Variants in HJURP observed in about 807,000 individuals in gnomAD.
HJURP encodes the protein 14-3-3-associated AKT substrate.
In HJURP, 49 loss-of-function variants were observed where a neutral mutation model predicts 72.0. The observed-to-expected ratio is 0.68, with a 90% CI of 0.54 to 0.86. The LOEUF is 0.86. Ranked by LOEUF, HJURP falls within the 40% of genes least tolerant of loss-of-function variation. The pLI, the probability that HJURP is intolerant of heterozygous loss-of-function variation, is 0.00. For synonymous variants in HJURP, 357 were observed against 347.1 expected, an observed-to-expected ratio of 1.03 and a Z score of -0.32; for missense variants, 908 against 936.3, an observed-to-expected ratio of 0.97 and a Z score of 0.39.
chr2:233,843,514 T>A lies in HJURP; in HGVS notation c.574+691A>T, dbSNP rs145476572. On this transcript the variant is annotated intron_variant, in intron 7 of 8. Coordinates refer to ENST00000411486, the MANE Select transcript of HJURP (RefSeq NM_018410.5). ...CGTGAACCTAACCACGAGGAAGCAA[T>A]CAGGTCCAAATTCAGGGACATTCTG... is the stretch of plus-strand genomic sequence containing the variant. 3.1e-3 allele frequency among the ~76,000 whole-genome samples: 479 copies of A among 152,196 alleles called. 5 individuals are homozygous for A. The highest frequency in any genetic ancestry group is 0.01 in the African/African-American group (430 of 41,520).
intron 8 of HJURP, among the ~76,000 whole-genome samples, chr2:233,838,140 G>C (rs1029412607): frequency 6.6e-6 from 1 of 152,170 alleles, no homozygotes; most frequent in Admixed American, 6.5e-5. Flanking sequence ...ATGAAGAATT[G>C]GTCTCTTTCC....
At chr2:233,842,297 T>C in intron 7 of HJURP, 92 bp from the exon 8 acceptor site, 2 of 1,136,262 alleles carry the variant, frequency 1.8e-6, no homozygotes, top group Non-Finnish European at 2.5e-6. Flanking sequence ...GGATCAGGAC[T>C]ATGTTTTTTT....
intron 4 of HJURP, among the ~76,000 whole-genome samples, chr2:233,848,626 G>C (rs619929): frequency 0.6 from 90,670 of 152,050 alleles, 28,087 homozygotes; most frequent in Middle Eastern, 0.76. Context: ...GAAGACGGCA[G>C]GGGCCTGTAC....
At chr2:233,854,028 C>T in intron 1 of HJURP, 118 bp from the exon 2 acceptor site, 2 of 848,612 alleles carry the variant, frequency 2.4e-6, no homozygotes, top group Non-Finnish European at 1.9e-6. Context: ...GCCCCAAACG[C>T]GGTCTCTGCA....
chr2:233,838,685 G>A (rs952619767), intron 8 of HJURP, among the ~76,000 whole-genome samples: 2 of 152,150 alleles, frequency 1.3e-5, no homozygotes, highest in South Asian at 4.1e-4. Flanking sequence ...TCTCTGGGCC[G>A]GACAGTTGTT....
rs1705352084 is a variant in HJURP at position 233,845,997 on chromosome 2, T to C, written c.403-177A>G. ...ACTTTTTCACTTCCTGCTATGTTAA[T>C]AATCCAAAAGAATGTAAAAAGACAC... is the stretch of plus-strand genomic sequence containing the variant. On this transcript the variant is annotated intron_variant, in intron 5 of 8. Transcript: ENST00000411486. 1.1e-5 allele frequency: 6 copies of C among 545,028 alleles called. No homozygotes were observed. In the Admixed American group the frequency reaches 1.9e-4, roughly 18 times the overall value. The allele number at this position is 545,028 out of a possible 1,614,324, so 33.8% of individuals were successfully genotyped here.
At position 233,840,717 on chromosome 2, in the gene HJURP, G is replaced by A; in HGVS notation, c.2063C>T (p.Pro688Leu). The A allele has an allele frequency of 6.2e-7, 1 of 1,614,058 alleles. No individual in the cohort carries two copies. Among genetic ancestry groups the A allele is most frequent in the Non-Finnish European group, 8.5e-7 (1 of 1,180,012 alleles). Reference sequence around the variant, plus strand: ...ATTGCCCTGGCGTCCGGAGCCCTGGGGTTCTGATAGCCTGGGTCTTTTTGC... The same window carrying A: ...ATTGCCCTGGCGTCCGGAGCCCTGGAGTTCTGATAGCCTGGGTCTTTTTGC... ...FPAKRPRLSE[P>L]QGSGRQGNSL... is the part of the protein sequence containing the mutation. The change falls in exon 8 of 9, where the codon CCC becomes CTC. Residue 688 changes from proline to leucine, a missense_variant. By Grantham distance (98) the Pro-to-Leu change is moderately conservative. Transcript: ENST00000411486.
intron 6 of HJURP, 130 bp from the exon 7 acceptor site, chr2:233,844,413 G>T: frequency 4.2e-6 from 3 of 709,260 alleles, no homozygotes; most frequent in Non-Finnish European, 5.0e-6. Context: ...TGTGAATGTG[G>T]TGACAGTGGC....
At chr2:233,845,147 C>A (rs1705330876) in intron 6 of HJURP, among the ~76,000 whole-genome samples, 1 of 151,838 alleles carries the variant, frequency 6.6e-6, no homozygotes, top group Non-Finnish European at 1.5e-5. Context: ...CCGTGTGTGG[C>A]CCCAATAGAT....
intron 3 of HJURP, among the ~76,000 whole-genome samples, chr2:233,851,269 G>T (rs1190912684): frequency 6.6e-6 from 1 of 152,152 alleles, no homozygotes. Context: ...TCGAAAAGGG[G>T]GACTATCAGT....
In HJURP at chr2:233,837,271, G is replaced by C. The variant is rs1048034380; in HGVS notation, c.*306C>G. Reference sequence around the variant, plus strand: ...ACCGCACTCCAGCCTGGGCGATAGAGAGAGACTGTCTCAAAAACAAACAAA... The same window carrying C: ...ACCGCACTCCAGCCTGGGCGATAGACAGAGACTGTCTCAAAAACAAACAAA... On this transcript the variant is annotated 3_prime_UTR_variant, in exon 9 of 9. Coordinates refer to ENST00000411486, the MANE Select transcript of HJURP (RefSeq NM_018410.5). 2.9e-6 allele frequency: 1 copy of C among 346,982 alleles called. No individual in the cohort carries two copies. The highest frequency in any genetic ancestry group is 5.2e-6 in the Non-Finnish European group (1 of 190,902). The allele number at this position is 346,982 out of a possible 1,614,324, so 21.5% of individuals were successfully genotyped here. A position where few individuals can be genotyped will look rare whatever the true frequency, so the allele number is the denominator to read the frequency against.
At position 233,837,224 on chromosome 2, in the gene HJURP, T is replaced by C. The variant is rs181454248; in HGVS notation, c.*353A>G. On this transcript the variant is annotated 3_prime_UTR_variant, in exon 9 of 9. Coordinates refer to ENST00000411486, the MANE Select transcript of HJURP (RefSeq NM_018410.5). ...TCGCTTGAACCCGGGAGGCGGAAGTTGCAGTGAGCCAAGATTGTGCCACCG... is the reference window on the plus strand; with the variant it reads ...TCGCTTGAACCCGGGAGGCGGAAGTCGCAGTGAGCCAAGATTGTGCCACCG... The C allele has an allele frequency of 2.7e-3, 652 of 237,254 alleles. 1 individual carries two copies. The highest frequency in any genetic ancestry group is 3.7e-3 in the Non-Finnish European group (463 of 123,522). 14.7% of individuals were successfully genotyped at this position (237,254 alleles called of 1,614,324 possible). A position where few individuals can be genotyped will look rare whatever the true frequency, so the allele number is the denominator to read the frequency against.
Position 233,854,490 on chromosome 2 carries a change from G to T in HJURP, c.11C>A (p.Thr4Lys), listed in dbSNP as rs374800251. Residue 4 changes from threonine to lysine, a missense_variant, in exon 1 of 9, where the codon ACG (threonine) becomes AAG (lysine). Transcript: ENST00000411486. MLG[T>K]LRAMEGEDVE... ...GTCCTCGCCCTCCATGGCGCGCAGC[G>T]TACCCAGCATCGGACCCAGCCAGTA... 6.2e-7 allele frequency: 1 copy of T among 1,611,428 alleles called. No homozygotes were observed. The highest frequency in any genetic ancestry group is 2.2e-5 in the East Asian group (1 of 44,644).
rs752275780 is a variant in HJURP at position 233,853,850 on chromosome 2, G to A, written c.178C>T (p.Pro60Ser). Reference sequence around the variant, plus strand: ...AGGTGGGGAAGACCCTTACCCTGTGGCGTCTCGTAGGTCAGCGTGGCCATT... The same window carrying A: ...AGGTGGGGAAGACCCTTACCCTGTGACGTCTCGTAGGTCAGCGTGGCCATT... ...VQMATLTYET[P>S]QGLRIWGGRL... is the part of the protein sequence containing the mutation. The change falls in exon 2 of 9, where the codon CCA (proline) becomes TCA (serine). Residue 60 changes from proline to serine, a missense_variant. Pro to Ser is a moderately conservative substitution (Grantham distance 74, BLOSUM62 -1). Coordinates refer to ENST00000411486, the MANE Select transcript of HJURP (RefSeq NM_018410.5). The A allele has an allele frequency of 1.2e-6, 2 of 1,613,666 alleles. No individual in the cohort carries two copies. Among genetic ancestry groups the A allele is most frequent in the African/African-American group, 1.3e-5 (1 of 74,910 alleles).
chr2:233,843,882 CAG>C (rs1559497236), intron 7 of HJURP, among the ~76,000 whole-genome samples: 1 of 152,164 alleles, frequency 6.6e-6, no homozygotes, highest in Admixed American at 6.5e-5. Flanking sequence ...ACGTGTGTGG[CAG>C]GGGGTGATAA....
At position 233,852,694 on chromosome 2, in the gene HJURP, G is replaced by C. The variant is rs1176482248; in HGVS notation, c.185-74C>G. The C allele has an allele frequency of 2.0e-5, 22 of 1,121,182 alleles. No individual in the cohort carries two copies. In the East Asian group the frequency reaches 5.3e-4, roughly 27 times the overall value. The allele number at this position is 1,121,182 out of a possible 1,614,324, so 69.5% of individuals were successfully genotyped here. A position where few individuals can be genotyped will look rare whatever the true frequency, so the allele number is the denominator to read the frequency against. On this transcript the variant is annotated intron_variant, in intron 2 of 8. Coordinates refer to ENST00000411486, the MANE Select transcript of HJURP (RefSeq NM_018410.5). ...ACTTCTGCTCAATCTGTGTTCACCA[G>C]ATGCCAAAGTGACAGGCAAAAAAAA...
intron 4 of HJURP, among the ~76,000 whole-genome samples, chr2:233,848,143 G>A (rs976757404): frequency 2.0e-5 from 3 of 152,290 alleles, no homozygotes; most frequent in South Asian, 4.1e-4. Flanking sequence ...AACTATTGGT[G>A]TAGGCAAGGT....
rs776527261 is a variant in HJURP, at chr2:233,841,242, C to A, written c.1538G>T (p.Arg513Met). Residue 513 changes from arginine to methionine, a missense_variant, in exon 8 of 9, where the codon AGG becomes ATG. Physicochemically the swap from Arg to Met is moderately conservative, Grantham distance 91. Transcript: ENST00000411486. ...NLGKRSLEAG[R>M]CLPKSDSSSS... Reference sequence around the variant, plus strand: ...AGATGAATCGCTCTTGGGCAGGCACCTACCTGCTTCCAGAGATCTTTTGCC... The same window carrying A: ...AGATGAATCGCTCTTGGGCAGGCACATACCTGCTTCCAGAGATCTTTTGCC... The A allele has an allele frequency of 1.4e-5, 22 of 1,613,976 alleles. No individual in the cohort carries two copies. The highest frequency in any genetic ancestry group is 1.8e-5 in the Non-Finnish European group (21 of 1,179,956).
rs1278835265 is a variant in HJURP at position 233,849,753 on chromosome 2, C to G, written c.337+10G>C. The G allele has an allele frequency of 1.3e-6, 2 of 1,542,870 alleles. No individual in the cohort carries two copies. The highest frequency in any genetic ancestry group is 1.8e-6 in the Non-Finnish European group (2 of 1,140,166). ...CCTGACTTCAGTTCTCTGACGAAGGCAACACTCACCGGCTCCCAGGACTGT... is the reference window on the plus strand; with the variant it reads ...CCTGACTTCAGTTCTCTGACGAAGGGAACACTCACCGGCTCCCAGGACTGT... On this transcript the variant is annotated intron_variant, in intron 4 of 8. Transcript: ENST00000411486.
Sources: gnomAD v4.1 joint callset for allele counts (sites outside exome capture counted in the v4.1 genomes callset) on GRCh38, gnomAD v4.1.1 for gene constraint, MANE v1.5 for transcripts, NCBI Gene and HGNC (gene_info 2026-07-23, HGNC 2026-07-21) for gene names.